CACNA2D4: variants seen among roughly 807,000 people sequenced by gnomAD.
The protein encoded by CACNA2D4 is calcium voltage-gated channel auxiliary subunit alpha2delta 4, also known as voltage-dependent calcium channel subunit alpha-2/delta-4.
CACNA2D4 carries 157 observed loss-of-function variants against 163.8 expected under a neutral mutation model. That is an observed-to-expected ratio of 0.96 (90% CI 0.84 to 1.09). The LOEUF is 1.09. Among genes scored for constraint, CACNA2D4 ranks in the 50% least tolerant of loss-of-function variants. The pLI is 0.00. For missense variants in CACNA2D4, 1,410 were observed against 1,479.9 expected, an observed-to-expected ratio of 0.95 and a Z score of 0.78; for synonymous variants, 598 against 586.9, an observed-to-expected ratio of 1.02 and a Z score of -0.27.
At chr12:1,879,094 A>C in intron 14 of CACNA2D4, 58 bp from the exon 15 acceptor site, 1 of 1,425,006 alleles carries the variant, frequency 7.0e-7, no homozygotes, top group Non-Finnish European at 9.9e-7. Flanking sequence ...ACAAGGTTAG[A>C]CTGGACCCTG....
intron 6 of CACNA2D4, among the ~76,000 whole-genome samples, chr12:1,898,223 A>G: frequency 6.6e-6 from 1 of 152,188 alleles, no homozygotes; most frequent in Admixed American, 6.5e-5. Context: ...GAAAAAATAG[A>G]TAGACTGGAC....
chr12:1,877,167 T>G (rs1865900876), intron 16 of CACNA2D4, among the ~76,000 whole-genome samples: 1 of 152,256 alleles, frequency 6.6e-6, no homozygotes, highest in Admixed American at 6.5e-5. Context: ...CATTCTTCAC[T>G]GCATCGTGAG....
Position 1,918,447 on chromosome 12 carries a change from A to C in CACNA2D4, c.27T>G (p.Leu9=). The C allele has an allele frequency of 6.3e-7, 1 of 1,578,028 alleles. No individual in the cohort carries two copies. The highest frequency in any genetic ancestry group is 2.3e-5 in the East Asian group (1 of 43,134). Reference sequence around the variant, plus strand: ...TGGTGGGCCTGGGGTTGGGGAGGGGAAGGAGGGCAGAGCAGCCACAGACCA... The same window carrying C: ...TGGTGGGCCTGGGGTTGGGGAGGGGCAGGAGGGCAGAGCAGCCACAGACCA... MVCGCSAL[L]PLPNPRPTMP... is the part of the protein sequence containing the mutation. Residue 9 remains leucine, a synonymous_variant, in exon 1 of 38, where the codon CTT becomes CTG. Coordinates refer to ENST00000382722, the MANE Select transcript of CACNA2D4 (RefSeq NM_172364.5).
intron 26 of CACNA2D4, among the ~76,000 whole-genome samples, chr12:1,825,992 G>A (rs1003820822): frequency 5.3e-5 from 8 of 152,354 alleles, no homozygotes; most frequent in African/African-American, 1.4e-4. Flanking sequence ...GCACGCTGCT[G>A]TTTGAAGGCA....
rs1865088807 is a variant in CACNA2D4 at position 1,844,043 on chromosome 12, A to T, written c.2470+359T>A. On this transcript the variant is annotated intron_variant, in intron 25 of 37. Coordinates refer to ENST00000382722, the MANE Select transcript of CACNA2D4 (RefSeq NM_172364.5). The surrounding 1 kb of genome is among the most constrained non-coding windows in gnomAD (Gnocchi z 4.2). ...ATGAAACCACCCGTCTGGGTGGTTT[A>T]TGAAGCTTTCACAGACATGCAGGAT... Among the ~76,000 whole-genome samples the T allele has an allele frequency of 6.6e-6, 1 of 152,326 alleles. No individual in the cohort carries two copies. Among genetic ancestry groups the T allele is most frequent in the East Asian group, 1.9e-4 (1 of 5,186 alleles).
intron 23 of CACNA2D4, among the ~76,000 whole-genome samples, chr12:1,853,169 G>A (rs955503644): frequency 2.2e-4 from 34 of 152,036 alleles, no homozygotes; most frequent in African/African-American, 7.5e-4. Flanking sequence ...GTAGCCTTGC[G>A]TAGACAGTAT....
Position 1,810,557 on chromosome 12 carries a change from T to A in CACNA2D4, c.2644A>T (p.Ser882Cys). The A allele has an allele frequency of 6.4e-7, 1 of 1,553,680 alleles. No individual in the cohort carries two copies. Among genetic ancestry groups the A allele is most frequent in the Non-Finnish European group, 8.7e-7 (1 of 1,148,066 alleles). The change falls in exon 28 of 38, where the codon AGC becomes TGC. Residue 882 changes from serine to cysteine, a missense_variant. Ser to Cys is a moderately radical substitution (Grantham distance 112). Transcript: ENST00000382722. ...GCAGAACTTACACTGTCCTCGCAGC[T>A]CTGTGTGCACGGCCCATCCACAGTG... is the stretch of plus-strand genomic sequence containing the variant. ...CSTVDGPCTQ[S>C]CEDSDLDCFV...
chr12:1,859,273 C>T (rs571123968), intron 19 of CACNA2D4, among the ~76,000 whole-genome samples: 12 of 152,074 alleles, frequency 7.9e-5, no homozygotes, highest in African/African-American at 1.7e-4. Context: ...GTGGGAGGAT[C>T]GCTTGAGCCC....
chr12:1,917,285 C>T lies in CACNA2D4; in HGVS notation c.227+962G>A, dbSNP rs565980268. On this transcript the variant is annotated intron_variant, in intron 1 of 37. Transcript: ENST00000382722. The surrounding 1 kb of genome is among the most constrained non-coding windows in gnomAD (Gnocchi z 4.3). ...GTGTCATTTGTGAAGCGCCCAGCTC[C>T]GTGCCAGGCAGGGAACAAGGAGAGC... Among the ~76,000 whole-genome samples the T allele has an allele frequency of 1.3e-5, 2 of 152,172 alleles. No homozygotes were observed. Among genetic ancestry groups the T allele is most frequent in the African/African-American group, 4.8e-5 (2 of 41,434 alleles).
intron 18 of CACNA2D4, among the ~76,000 whole-genome samples, chr12:1,870,050 G>A (rs1169094198): frequency 2.6e-5 from 4 of 152,166 alleles, no homozygotes; most frequent in African/African-American, 7.2e-5. Context: ...GTCTGTCTCA[G>A]CTTTGTCTTT....
chr12:1,811,156 G>A lies in CACNA2D4; in HGVS notation c.2613+506C>T, dbSNP rs180883908. On this transcript the variant is annotated intron_variant, in intron 27 of 37. Transcript: ENST00000382722. The stretch of plus-strand genomic sequence containing the variant: ...AGTGATGGGGGCCGAGGGGCTCGGC[G>A]TTGCAGGAGATTGAGGCTGAGGGAG... 7.4e-3 allele frequency among the ~76,000 whole-genome samples: 1,130 copies of A among 152,320 alleles called. 53 individuals carry two copies. The highest frequency in any genetic ancestry group is 0.065 in the Admixed American group (1,002 of 15,312).
intron 18 of CACNA2D4, among the ~76,000 whole-genome samples, chr12:1,873,851 A>G (rs1319674049): frequency 2.6e-5 from 4 of 152,206 alleles, no homozygotes; most frequent in African/African-American, 9.7e-5. Context: ...TCTGGCCTAA[A>G]AGGGATGCTT....
At chr12:1,905,369 G>C (rs1260708362) in intron 6 of CACNA2D4, among the ~76,000 whole-genome samples, 1 of 151,882 alleles carries the variant, frequency 6.6e-6, no homozygotes, top group African/African-American at 2.4e-5. Flanking sequence ...GAGCAATTAG[G>C]CATAAAAAAG....
At chr12:1,804,329 G>A (rs549097417) in intron 29 of CACNA2D4, among the ~76,000 whole-genome samples, 50 of 152,320 alleles carry the variant, frequency 3.3e-4, no homozygotes, top group Non-Finnish European at 6.6e-4. Context: ...CCCTGGGAAA[G>A]TGCAGCGGGG....
At position 1,793,638 on chromosome 12, in the gene CACNA2D4, G is replaced by T; in HGVS notation, c.*17C>A. On this transcript the variant is annotated 3_prime_UTR_variant, in exon 38 of 38. Coordinates refer to ENST00000382722, the MANE Select transcript of CACNA2D4 (RefSeq NM_172364.5). ...GGAAGGATCACCTTGCCAAAACACA[G>T]GTCAGGCTGGGTGGTGTCACCGCAG... is the stretch of plus-strand genomic sequence containing the variant. 1 of 1,608,900 alleles carries T rather than the reference G, an allele frequency of 6.2e-7. No homozygotes were observed. The highest frequency in any genetic ancestry group is 8.5e-7 in the Non-Finnish European group (1 of 1,175,386).
At chr12:1,860,054 T>C in intron 19 of CACNA2D4, 91 bp downstream of exon 19, 1 of 1,037,388 alleles carries the variant, frequency 9.6e-7, no homozygotes, top group Non-Finnish European at 1.5e-6. Context: ...CCTGGGTCTT[T>C]TGCTATTACC....
rs1178335374 is a variant in CACNA2D4 at position 1,881,179 on chromosome 12, G to A, written c.1486-1298C>T. On this transcript the variant is annotated intron_variant, in intron 13 of 37. Transcript: ENST00000382722. ...GATGTAGGGACTGGTTGCAGGGGGC[G>A]GTTCTCACTGAGGGACAGGTGTAAA... Among the ~76,000 whole-genome samples, 5 of 152,196 alleles carry A rather than the reference G, an allele frequency of 3.3e-5. No individual in the cohort carries two copies. In the East Asian group the frequency reaches 7.7e-4, roughly 23 times the overall value.
chr12:1,886,030 A>G lies in CACNA2D4; in HGVS notation c.1003T>C (p.Tyr335His). Residue 335 changes from tyrosine to histidine, a missense_variant, in exon 9 of 38, where the codon TAC (tyrosine) becomes CAC (histidine). Transcript: ENST00000382722. ...AAACAAGGCTCGATGTAATGGACGT[A>G]GTCATTGTACTGCAGTTGCAGTGAG... ...DFINIIAYND[Y>H]VHYIEPCFKG... 1.2e-6 allele frequency: 2 copies of G among 1,612,806 alleles called. No homozygotes were observed. Among genetic ancestry groups the G allele is most frequent in the Non-Finnish European group, 1.7e-6 (2 of 1,178,890 alleles).
At chr12:1,868,032 C>A (rs772559685) in intron 18 of CACNA2D4, among the ~76,000 whole-genome samples, 1 of 152,176 alleles carries the variant, frequency 6.6e-6, no homozygotes, top group Non-Finnish European at 1.5e-5. Flanking sequence ...TAGGTTGGTG[C>A]AACCACTGTG....
Sources: gnomAD v4.1 joint callset for allele counts (sites outside exome capture counted in the v4.1 genomes callset) on GRCh38, gnomAD v4.1.1 for gene constraint, Gnocchi (gnomAD v3.1) non-coding constraint, MANE v1.5 for transcripts, NCBI Gene and HGNC (gene_info 2026-07-23, HGNC 2026-07-21) for gene names.